The following HAPLN1 variants were observed in gnomAD, a reference collection of about 807,000 sequenced individuals.
HAPLN1 encodes the protein Cartilage link protein.
HAPLN1 carries 13 observed loss-of-function variants against 36.5 expected under a neutral mutation model. The observed-to-expected ratio is 0.36, with a 90% CI of 0.23 to 0.57. HAPLN1 has a LOEUF of 0.57. Ranked by LOEUF, HAPLN1 falls within the 20% of genes least tolerant of loss-of-function variation. The pLI, the probability that HAPLN1 is intolerant of heterozygous loss-of-function variation, is 0.83. For missense variants in HAPLN1, 407 were observed against 439.7 expected (o/e 0.93, Z 0.66); for synonymous variants, 202 against 169.8 (o/e 1.19, Z -1.48).
chr5:83,641,379 A>G lies in HAPLN1; in HGVS notation c.*117T>C. 3 of 839,604 alleles carry G rather than the reference A, an allele frequency of 3.6e-6. No individual in the cohort carries two copies. Among genetic ancestry groups the G allele is most frequent in the Non-Finnish European group, 5.5e-6 (3 of 550,400 alleles). The allele number at this position is 839,604 out of a possible 1,614,324, so 52.0% of individuals were successfully genotyped here. ...GATCTTTATGAAAATGACTCTTTAC[A>G]GTAAGTAAAAAAGGGTTATCACAGT... On this transcript the variant is annotated 3_prime_UTR_variant, in exon 5 of 5. Coordinates refer to ENST00000274341, the MANE Select transcript of HAPLN1 (RefSeq NM_001884.4).
At position 83,684,231 on chromosome 5, in the gene HAPLN1, T is replaced by C. The variant is rs951776153; in HGVS notation, c.-26-10682A>G. Among the ~76,000 whole-genome samples, 3 of 152,076 alleles carry C rather than the reference T, an allele frequency of 2.0e-5. 1 individual carries two copies. In the South Asian group the frequency reaches 6.2e-4, roughly 32 times the overall value. Reference sequence around the variant, plus strand: ...CTTACATATCTCAGGGGCACCTAAATTATGTACTGTGCCAAATGAAGCTGT... The same window carrying C: ...CTTACATATCTCAGGGGCACCTAAACTATGTACTGTGCCAAATGAAGCTGT... On this transcript the variant is annotated intron_variant, in intron 1 of 4. Coordinates refer to ENST00000274341, the MANE Select transcript of HAPLN1 (RefSeq NM_001884.4).
At chr5:83,703,977 A>T (rs946186076) in intron 1 of HAPLN1, among the ~76,000 whole-genome samples, 3 of 152,054 alleles carry the variant, frequency 2.0e-5, no homozygotes, top group Admixed American at 6.6e-5. Context: ...TGAAAAAAAA[A>T]GAATGTTAAA....
chr5:83,663,824 T>C (rs1580133166), intron 2 of HAPLN1, among the ~76,000 whole-genome samples: 1 of 144,658 alleles, frequency 6.9e-6, no homozygotes, highest in East Asian at 2.2e-4. Flanking sequence ...TTTTTTCAAA[T>C]TGGTTCATCT....
At chr5:83,710,721 C>A (rs1261511734) in intron 1 of HAPLN1, among the ~76,000 whole-genome samples, 2 of 152,098 alleles carry the variant, frequency 1.3e-5, no homozygotes, top group African/African-American at 4.8e-5. Context: ...GAAGCAGAGG[C>A]GGGTGGATGA....
At chr5:83,700,461 C>T (rs1002354047) in intron 1 of HAPLN1, among the ~76,000 whole-genome samples, 1 of 152,028 alleles carries the variant, frequency 6.6e-6, no homozygotes, top group Non-Finnish European at 1.5e-5. Context: ...CTCTCATCCT[C>T]ACCATGGACA....
rs1247473032 is a variant in HAPLN1 at position 83,644,577 on chromosome 5, C to A, written c.561G>T (p.Val187=). 1.3e-6 allele frequency: 2 copies of A among 1,594,486 alleles called. No individual in the cohort carries two copies. The highest frequency in any genetic ancestry group is 2.3e-5 in the East Asian group (1 of 44,060). ...CGTACAGCTGGTCGAAGGAGGCGAT[C>A]ACAGCATCCTGGTCCAGACACGCCT... is the stretch of plus-strand genomic sequence containing the variant. ...AQQACLDQDA[V]IASFDQLYDA... Residue 187 remains valine, a synonymous_variant, in exon 4 of 5, where the codon GTG becomes GTT. Transcript: ENST00000274341.
At chr5:83,655,911 C>T (rs994874224) in intron 2 of HAPLN1, among the ~76,000 whole-genome samples, 1 of 152,102 alleles carries the variant, frequency 6.6e-6, no homozygotes, top group Non-Finnish European at 1.5e-5. Flanking sequence ...GGAGTGAAGA[C>T]AGAGGAAAGG....
chr5:83,667,923 G>A (rs1750598859), intron 2 of HAPLN1, among the ~76,000 whole-genome samples: 1 of 152,170 alleles, frequency 6.6e-6, no homozygotes, highest in Non-Finnish European at 1.5e-5. Context: ...ATGTTATGTG[G>A]GAGCCATGCA....
In HAPLN1 at chr5:83,680,045, GT is replaced by G. The variant is rs764601084; in HGVS notation, c.-26-6497del. Among the ~76,000 whole-genome samples, 21 of 152,224 alleles carry G rather than the reference GT, an allele frequency of 1.4e-4. No homozygotes were observed. The East Asian group carries it at 3.3e-3, about 24-fold the overall frequency. On this transcript the variant is annotated intron_variant, in intron 1 of 4. Transcript: ENST00000274341. ...TAAGTAGCAATTCAATTTACTTACT[GT>G]TTTTGGCTGTTGCTCTTTGCTAGCT...
At chr5:83,655,933 G>C (rs886526298) in intron 2 of HAPLN1, among the ~76,000 whole-genome samples, 1 of 152,166 alleles carries the variant, frequency 6.6e-6, no homozygotes, top group Non-Finnish European at 1.5e-5. Context: ...AACCACAGGC[G>C]TTGATTACAA....
At chr5:83,720,206 T>C (rs1013770328) in intron 1 of HAPLN1, among the ~76,000 whole-genome samples, 3 of 152,202 alleles carry the variant, frequency 2.0e-5, no homozygotes, top group African/African-American at 7.2e-5. Context: ...ATCAACATCA[T>C]TGTATATATG....
At chr5:83,649,040 T>C (rs1392991084) in intron 3 of HAPLN1, among the ~76,000 whole-genome samples, 5 of 152,222 alleles carry the variant, frequency 3.3e-5, no homozygotes, top group Admixed American at 2.6e-4. Flanking sequence ...TCAATCCTCA[T>C]CTTACTCTGA....
At chr5:83,665,948 C>A (rs146219967) in intron 2 of HAPLN1, among the ~76,000 whole-genome samples, 1 of 152,242 alleles carries the variant, frequency 6.6e-6, no homozygotes, top group African/African-American at 2.4e-5. Flanking sequence ...TGAAGGCAGA[C>A]AAGTCTAGGG....
chr5:83,675,695 C>T (rs892903058), intron 1 of HAPLN1, among the ~76,000 whole-genome samples: 4 of 152,114 alleles, frequency 2.6e-5, no homozygotes, highest in Non-Finnish European at 4.4e-5. Flanking sequence ...TTGTAAACGT[C>T]TTGAGTGCTT....
At chr5:83,702,520 T>A (rs1561322883) in intron 1 of HAPLN1, among the ~76,000 whole-genome samples, 1 of 152,174 alleles carries the variant, frequency 6.6e-6, no homozygotes, top group Non-Finnish European at 1.5e-5. Context: ...GGCACACTGA[T>A]AATCCCTCTA....
intron 1 of HAPLN1, among the ~76,000 whole-genome samples, chr5:83,712,339 G>A (rs1360732245): frequency 6.6e-6 from 1 of 151,764 alleles, no homozygotes; most frequent in Non-Finnish European, 1.5e-5. Flanking sequence ...TTGTTTTATC[G>A]TTATTGCTGA....
intron 1 of HAPLN1, among the ~76,000 whole-genome samples, chr5:83,707,707 T>C (rs554602245): frequency 4.9e-4 from 74 of 152,128 alleles, no homozygotes; most frequent in South Asian, 2.1e-3. Flanking sequence ...CCAAAAGCAA[T>C]CACGACAAGA....
intron 2 of HAPLN1, among the ~76,000 whole-genome samples, chr5:83,661,911 T>C (rs1018875168): frequency 6.6e-6 from 1 of 152,224 alleles, no homozygotes; most frequent in Admixed American, 6.5e-5. Flanking sequence ...TGTGTTCATG[T>C]ATGGGTTTGG....
intron 1 of HAPLN1, among the ~76,000 whole-genome samples, chr5:83,700,328 G>A (rs1257285683): frequency 6.6e-6 from 1 of 152,016 alleles, no homozygotes; most frequent in Non-Finnish European, 1.5e-5. Context: ...TATTGCCAAT[G>A]TGTCATGCCT....
Sources: allele counts gnomAD v4.1 joint callset (sites outside exome capture counted in the v4.1 genomes callset), GRCh38; gene constraint gnomAD v4.1.1; transcripts MANE v1.5; gene names NCBI Gene and HGNC (gene_info 2026-07-23, HGNC 2026-07-21).